The following RNF19A variants were observed in gnomAD, a reference collection of about 807,000 sequenced individuals.
RNF19A encodes E3 ubiquitin-protein ligase RNF19A.
Under a neutral mutation model 75.7 loss-of-function variants are expected in RNF19A, and 32 were observed. The observed-to-expected ratio is 0.42, with a 90% CI of 0.32 to 0.57. The LOEUF (loss-of-function observed/expected upper bound fraction) is 0.57. Ranked by LOEUF, RNF19A falls within the 20% of genes least tolerant of loss-of-function variation. The pLI is 0.10. For missense variants in RNF19A, 782 were observed against 1,036.3 expected, an observed-to-expected ratio of 0.75 and a Z score of 3.37; for synonymous variants, 335 against 345.2, an observed-to-expected ratio of 0.97 and a Z score of 0.33.
chr8:100,273,899 C>T (rs1034063395), intron 3 of RNF19A, among the ~76,000 whole-genome samples: 2 of 152,198 alleles, frequency 1.3e-5, no homozygotes, highest in Non-Finnish European at 2.9e-5. Context: ...TCTCCTGCCT[C>T]ACCTCCCGAG....
intron 7 of RNF19A, among the ~76,000 whole-genome samples, chr8:100,262,592 T>A (rs901964616): frequency 2.0e-5 from 3 of 152,122 alleles, no homozygotes; most frequent in Non-Finnish European, 4.4e-5. Flanking sequence ...CCTTTTGGGC[T>A]ATGATAAGGA....
chr8:100,258,463 T>C lies in RNF19A; in HGVS notation c.*93A>G. ...GCATTATGATAATGAAACCCGGCTT[T>C]TGCTGGTAACCTGAAACTTAAGTAG... On this transcript the variant is annotated 3_prime_UTR_variant, in exon 10 of 10. Transcript: ENST00000341084. This position sits in a 1 kb window ranked among gnomAD's most constrained non-coding sequence, Gnocchi z 4.3. 2 of 1,028,428 alleles carry C rather than the reference T, an allele frequency of 1.9e-6. No homozygotes were observed. The highest frequency in any genetic ancestry group is 2.4e-5 in the East Asian group (1 of 41,640). 63.7% of individuals were successfully genotyped at this position (1,028,428 alleles called of 1,614,324 possible).
intron 5 of RNF19A, among the ~76,000 whole-genome samples, chr8:100,265,466 TATC>T (rs139196738): frequency 0.058 from 8,828 of 152,236 alleles, 845 homozygotes; most frequent in African/African-American, 0.2. Context: ...TAGAATTTGA[TATC>T]ATCATAGAAG....
At chr8:100,274,864 A>G in intron 3 of RNF19A, 89 bp downstream of exon 3, 1 of 1,036,026 alleles carries the variant, frequency 9.7e-7, no homozygotes, top group South Asian at 1.6e-5. Flanking sequence ...CGGCAAGTGA[A>G]AGGAAAACAG....
At chr8:100,327,083 AT>A (rs1257931770) in intron 1 of RNF19A, among the ~76,000 whole-genome samples, 1 of 150,336 alleles carries the variant, frequency 6.7e-6, no homozygotes, top group Non-Finnish European at 1.5e-5. Flanking sequence ...TTATTTTGCT[AT>A]GAAAAAAGTC....
intron 7 of RNF19A, 79 bp downstream of exon 7, chr8:100,263,955 G>A: frequency 1.0e-5 from 12 of 1,201,994 alleles, no homozygotes; most frequent in Non-Finnish European, 1.4e-5. Flanking sequence ...TGGAAATTCT[G>A]AGTTGCATGT....
At chr8:100,274,818 G>A (rs1820424454) in intron 3 of RNF19A, 135 bp downstream of exon 3, 1 of 650,268 alleles carries the variant, frequency 1.5e-6, no homozygotes, top group Non-Finnish European at 2.6e-6. Context: ...GAAAGAATGA[G>A]TGCTTCTGGG....
At chr8:100,303,043 A>G (rs1314420139) in intron 1 of RNF19A, 1 of 152,234 alleles carries the variant, frequency 6.6e-6, no homozygotes, top group Non-Finnish European at 1.5e-5. Context: ...ATATAAAACA[A>G]CGATAATTAG....
intron 1 of RNF19A, chr8:100,309,250 A>C: frequency 1.1e-6 from 1 of 897,182 alleles, no homozygotes; most frequent in Non-Finnish European, 1.3e-6. Flanking sequence ...TTTTGGTGTG[A>C]TGTGTAATTT....
chr8:100,267,425 A>G (rs1163501099), intron 5 of RNF19A, among the ~76,000 whole-genome samples: 1 of 152,232 alleles, frequency 6.6e-6, no homozygotes, highest in East Asian at 1.9e-4. Flanking sequence ...GCTGGAGTGA[A>G]GTGGCACAAT....
rs186429071 is a variant in RNF19A at position 100,332,683 on chromosome 8, G to A, written c.-243+3425C>T. Among the ~76,000 whole-genome samples, 83 of 152,156 alleles carry A rather than the reference G, an allele frequency of 5.5e-4. No individual in the cohort carries two copies. Among genetic ancestry groups the A allele is most frequent in the Admixed American group, 4.4e-3 (68 of 15,298 alleles). On this transcript the variant is annotated intron_variant, in intron 1 of 3. Coordinates refer to the RNF19A transcript ENST00000519527. This position sits in a 1 kb window ranked among gnomAD's most constrained non-coding sequence, Gnocchi z 4.8. ...ACAAAGTGTATTATTAAACATTTTG[G>A]TCTTTGCAAATTTGTTAAAATGTTA...
At chr8:100,327,245 CTTTTT>C (rs71303441) in intron 1 of RNF19A, among the ~76,000 whole-genome samples, 4 of 75,836 alleles carry the variant, frequency 5.3e-5, no homozygotes, top group African/African-American at 1.7e-4. Context: ...GCAATTACTT[CTTTTT>C]TTTTTTTTTT....
In RNF19A at chr8:100,258,084, A is replaced by G. The variant is rs1470937811; in HGVS notation, c.*472T>C. The G allele has an allele frequency of 2.5e-6, 1 of 398,808 alleles. No individual in the cohort carries two copies. Among genetic ancestry groups the G allele is most frequent in the Non-Finnish European group, 4.4e-6 (1 of 226,062 alleles). 24.7% of individuals were successfully genotyped at this position (398,808 alleles called of 1,614,324 possible). A position where few individuals can be genotyped will look rare whatever the true frequency, so the allele number is the denominator to read the frequency against. On this transcript the variant is annotated 3_prime_UTR_variant, in exon 10 of 10. Transcript: ENST00000341084. The surrounding 1 kb of genome is among the most constrained non-coding windows in gnomAD (Gnocchi z 4.3). ...AAAAAATGAAATTTATGCCGATATA[A>G]ATAGAAATGTTACAGAGTATCATAT...
At chr8:100,310,290 C>G, upstream of RNF19A, 1 of 969,764 alleles carries the variant, frequency 1.0e-6, no homozygotes, top group South Asian at 4.8e-5. Context: ...GCGCAGGAGC[C>G]GCCCCGCTGC....
At chr8:100,266,496 T>C (rs1660323) in intron 5 of RNF19A, among the ~76,000 whole-genome samples, 1 of 152,002 alleles carries the variant, frequency 6.6e-6, no homozygotes, top group Non-Finnish European at 1.5e-5. Flanking sequence ...AGCTAATATA[T>C]TTTGAAATTT....
intron 1 of RNF19A, among the ~76,000 whole-genome samples, chr8:100,296,238 G>A (rs971265834): frequency 1.3e-5 from 2 of 152,156 alleles, no homozygotes; most frequent in African/African-American, 4.8e-5. Flanking sequence ...CCTAGTAGCT[G>A]TGACTACAGG....
chr8:100,276,856 C>T (rs1178930318), intron 2 of RNF19A, among the ~76,000 whole-genome samples: 1 of 151,536 alleles, frequency 6.6e-6, no homozygotes, highest in Non-Finnish European at 1.5e-5. Context: ...ACTAAATACA[C>T]TGTGCAGAAA....
At chr8:100,267,754 G>A (rs568565818) in intron 5 of RNF19A, among the ~76,000 whole-genome samples, 71 of 149,108 alleles carry the variant, frequency 4.8e-4, no homozygotes, top group Non-Finnish European at 9.0e-4. Flanking sequence ...TCAGCTCACC[G>A]CAACCTCCAC....
intron 1 of RNF19A, among the ~76,000 whole-genome samples, chr8:100,299,724 C>G (rs893182164): frequency 6.6e-6 from 1 of 151,982 alleles, no homozygotes; most frequent in Non-Finnish European, 1.5e-5. Flanking sequence ...TGCCATTGCA[C>G]TCCAGCCCGG....
Sources: gnomAD v4.1 joint callset for allele counts (sites outside exome capture counted in the v4.1 genomes callset) on GRCh38, gnomAD v4.1.1 for gene constraint, Gnocchi (gnomAD v3.1) non-coding constraint, MANE v1.5 for transcripts, NCBI Gene and HGNC (gene_info 2026-07-23, HGNC 2026-07-21) for gene names.